Variants in DAB1 observed in about 807,000 individuals in gnomAD.
DAB1 encodes the protein DAB adaptor protein 1.
A neutral mutation model predicts 64.6 loss-of-function variants in DAB1; 15 were observed. The ratio of observed to expected loss-of-function variants is 0.23; its 90% confidence interval spans 0.16 to 0.36. The LOEUF (loss-of-function observed/expected upper bound fraction) is 0.36. Ranked by LOEUF, DAB1 falls within the 10% of genes least tolerant of loss-of-function variation. The pLI is 1.00. For missense variants in DAB1, 596 were observed against 706.7 expected (o/e 0.84, Z 1.78); for synonymous variants, 235 against 251.9 (o/e 0.93, Z 0.64).
chr1:58,156,010 C>G (rs1011040705), intron 4 of DAB1, among the ~76,000 whole-genome samples: 3 of 152,162 alleles, frequency 2.0e-5, no homozygotes, highest in Admixed American at 6.6e-5. Context: ...TTTCTGAAGT[C>G]TGGTTTTCTG....
intron 7 of DAB1, among the ~76,000 whole-genome samples, chr1:57,562,627 T>A (rs1282098184): frequency 1.3e-5 from 2 of 152,196 alleles, no homozygotes; most frequent in African/African-American, 4.8e-5. Flanking sequence ...CCAGGATTCA[T>A]GCGTCCAGGA....
chr1:57,602,519 GA>G (rs1645586772), intron 7 of DAB1, among the ~76,000 whole-genome samples: 1 of 152,150 alleles, frequency 6.6e-6, no homozygotes, highest in African/African-American at 2.4e-5. Context: ...TTAATGAAAG[GA>G]TGAGGGTGAG....
At chr1:57,429,450 T>G (rs1685416995) in intron 7 of DAB1, among the ~76,000 whole-genome samples, 1 of 152,172 alleles carries the variant, frequency 6.6e-6, no homozygotes, top group Admixed American at 6.5e-5. Context: ...TGCCTTTTCA[T>G]TTTTTTGATG....
intron 5 of DAB1, among the ~76,000 whole-genome samples, chr1:58,120,015 G>A (rs939420707): frequency 2.0e-5 from 3 of 152,042 alleles, no homozygotes; most frequent in Non-Finnish European, 4.4e-5. Context: ...CTTCCAAATA[G>A]TTCTCTCCAT....
At chr1:57,309,555 T>A (rs1331278048) in intron 1 of DAB1, among the ~76,000 whole-genome samples, 1 of 152,054 alleles carries the variant, frequency 6.6e-6, no homozygotes, top group East Asian at 1.9e-4. Flanking sequence ...TTACCAAAAC[T>A]CAATGTTTTC....
chr1:57,192,552 C>T (rs921446956), intron 2 of DAB1, among the ~76,000 whole-genome samples: 2 of 152,138 alleles, frequency 1.3e-5, no homozygotes, highest in South Asian at 4.2e-4. Context: ...ACTGCTGTTA[C>T]CATAACCATC....
At chr1:57,522,587 G>A (rs1441901448) in intron 7 of DAB1, among the ~76,000 whole-genome samples, 5 of 152,206 alleles carry the variant, frequency 3.3e-5, no homozygotes, top group Admixed American at 6.5e-5. Context: ...CAAAGGAGGA[G>A]CAAAGGAGAT....
chr1:57,857,343 A>G (rs1016313382), intron 1 of DAB1, among the ~76,000 whole-genome samples: 1 of 152,220 alleles, frequency 6.6e-6, no homozygotes, highest in African/African-American at 2.4e-5. Flanking sequence ...TGACTAAATG[A>G]CACTGGCATC....
At chr1:58,038,161 G>A (rs74076014) in intron 5 of DAB1, among the ~76,000 whole-genome samples, 4,544 of 152,272 alleles carry the variant, frequency 0.03, 214 homozygotes, top group African/African-American at 0.1. Flanking sequence ...AAACCAAAAT[G>A]AGGAGACCCA....
At chr1:57,747,433 T>C (rs1267799093) in intron 6 of DAB1, among the ~76,000 whole-genome samples, 1 of 152,146 alleles carries the variant, frequency 6.6e-6, no homozygotes, top group Non-Finnish European at 1.5e-5. Flanking sequence ...TGGAACAGAA[T>C]AGACACTTGA....
intron 4 of DAB1, among the ~76,000 whole-genome samples, chr1:58,190,639 A>G (rs1446228116): frequency 6.6e-6 from 1 of 151,814 alleles, no homozygotes; most frequent in African/African-American, 2.4e-5. Context: ...AAGATCTAGC[A>G]CTCTCTACCC....
chr1:57,531,835 C>T (rs1644666901), intron 7 of DAB1, among the ~76,000 whole-genome samples: 2 of 152,094 alleles, frequency 1.3e-5, no homozygotes, highest in African/African-American at 4.8e-5. Flanking sequence ...TTCCATGCTA[C>T]CAACAAGGAT....
At position 57,816,375 on chromosome 1, in the gene DAB1, G is replaced by A. The variant is rs74399019; in HGVS notation, n.551+67624C>T. ...GTTGTTATGTTCTTTCTCCAAAGCC[G>A]GTTAAGTTACGAGTGACTGAAGCTA... On this transcript the variant is annotated intron_variant and non_coding_transcript_variant, in intron 6 of 20. Coordinates refer to the DAB1 transcript ENST00000485760. Among the ~76,000 whole-genome samples the A allele has an allele frequency of 8.5e-4, 129 of 152,240 alleles. 1 individual carries two copies. The East Asian group carries it at 0.021, about 25-fold the overall frequency.
chr1:57,101,789 T>C (rs938828823), intron 4 of DAB1, among the ~76,000 whole-genome samples: 1 of 152,216 alleles, frequency 6.6e-6, no homozygotes, highest in Non-Finnish European at 1.5e-5. Flanking sequence ...GCCAGGCATC[T>C]TTCTAGAGCT....
intron 5 of DAB1, among the ~76,000 whole-genome samples, chr1:58,127,647 G>C (rs1296469715): frequency 1.3e-5 from 2 of 152,188 alleles, no homozygotes; most frequent in African/African-American, 2.4e-5. Flanking sequence ...TAAGGTGTAA[G>C]GAACGGATCC....
chr1:57,097,942 T>C (rs1654324223), intron 4 of DAB1, among the ~76,000 whole-genome samples: 1 of 151,990 alleles, frequency 6.6e-6, no homozygotes, highest in Non-Finnish European at 1.5e-5. Context: ...CACGCTTGGC[T>C]AATTTTTTGT....
intron 3 of DAB1, among the ~76,000 whole-genome samples, chr1:58,379,001 G>A (rs7549259): frequency 0.085 from 12,245 of 144,048 alleles, 240 homozygotes; most frequent in East Asian, 0.18. Flanking sequence ...GACCCCTTGC[G>A]CTTCCCAGGT....
chr1:57,744,998 A>C (rs937108040), intron 6 of DAB1, among the ~76,000 whole-genome samples: 1 of 152,176 alleles, frequency 6.6e-6, no homozygotes, highest in Non-Finnish European at 1.5e-5. Context: ...AAATGATCCA[A>C]TGTCTATTTT....
chr1:57,363,616 T>C (rs1679733614), intron 1 of DAB1, among the ~76,000 whole-genome samples: 1 of 152,114 alleles, frequency 6.6e-6, no homozygotes, highest in Non-Finnish European at 1.5e-5. Flanking sequence ...AAGTTCTTAA[T>C]AAATATTAGG....
Sources: gnomAD v4.1 joint callset for allele counts (sites outside exome capture counted in the v4.1 genomes callset) on GRCh38, gnomAD v4.1.1 for gene constraint, MANE v1.5 for transcripts, NCBI Gene and HGNC (gene_info 2026-07-23, HGNC 2026-07-21) for gene names.